The following SAMD12 variants were observed in gnomAD, a reference collection of about 807,000 sequenced individuals.
SAMD12 encodes the protein sterile alpha motif domain-containing protein 12.
SAMD12 carries 9 observed loss-of-function variants against 15.0 expected under a neutral mutation model. That is an observed-to-expected ratio of 0.60 (90% CI 0.36 to 1.05). SAMD12 has a LOEUF of 1.05. SAMD12 is among the 50% of genes least tolerant of loss of function. The pLI, the probability that SAMD12 is intolerant of heterozygous loss-of-function variation, is 0.01. For missense variants in SAMD12, 230 were observed against 234.2 expected (o/e 0.98, Z 0.12); for synonymous variants, 86 against 90.1 (o/e 0.96, Z 0.25).
chr8:118,454,077 T>C (rs1280547725), intron 2 of SAMD12, among the ~76,000 whole-genome samples: 1 of 152,180 alleles, frequency 6.6e-6, no homozygotes, highest in East Asian at 1.9e-4. Flanking sequence ...ATCTTCCTTT[T>C]TTCTTAGTTT....
intron 2 of SAMD12, among the ~76,000 whole-genome samples, chr8:118,501,398 T>A (rs1020289364): frequency 6.6e-6 from 1 of 152,206 alleles, no homozygotes; most frequent in African/African-American, 2.4e-5. Flanking sequence ...CCACAATGTG[T>A]ATATATTTCA....
intron 1 of SAMD12, among the ~76,000 whole-genome samples, chr8:118,617,466 T>C (rs1023557950): frequency 6.6e-6 from 1 of 152,244 alleles, no homozygotes; most frequent in Non-Finnish European, 1.5e-5. Flanking sequence ...TCATTTATGA[T>C]GGAAAATTCA....
chr8:118,427,889 A>G (rs936153406), intron 3 of SAMD12, among the ~76,000 whole-genome samples: 2 of 152,224 alleles, frequency 1.3e-5, no homozygotes, highest in African/African-American at 4.8e-5. Context: ...AAACTCACAT[A>G]CAACATACAT....
chr8:118,462,674 T>C (rs1355285418), intron 2 of SAMD12, among the ~76,000 whole-genome samples: 4 of 151,794 alleles, frequency 2.6e-5, no homozygotes, highest in Non-Finnish European at 5.9e-5. Context: ...ACACCACAGC[T>C]GAAAGTAAGG....
chr8:118,306,656 T>G (rs545207811), intron 4 of SAMD12, among the ~76,000 whole-genome samples: 1 of 152,250 alleles, frequency 6.6e-6, no homozygotes, highest in East Asian at 1.9e-4. Flanking sequence ...CCTCTGCAAT[T>G]TTACATGAGC....
the SAMD12 span, among the ~76,000 whole-genome samples, chr8:118,183,044 A>G: frequency 6.6e-6 from 1 of 152,236 alleles, no homozygotes; most frequent in Admixed American, 6.5e-5. Flanking sequence ...AAAATGCAGA[A>G]TGAGGACTCC....
intron 4 of SAMD12, among the ~76,000 whole-genome samples, chr8:118,316,677 C>T (rs768798916): frequency 1.3e-5 from 2 of 151,978 alleles, no homozygotes; most frequent in Non-Finnish European, 1.5e-5. Flanking sequence ...AACCACTTGG[C>T]GGCACTGGGA....
At chr8:118,185,183 T>G (rs1819222414), downstream of SAMD12, among the ~76,000 whole-genome samples, 1 of 152,156 alleles carries the variant, frequency 6.6e-6, no homozygotes, top group Non-Finnish European at 1.5e-5. Context: ...TGAACTATGG[T>G]GTATTAGAAG....
At position 118,256,639 on chromosome 8, in the gene SAMD12, A is replaced by G. The variant is rs545757049; in HGVS notation, c.434-58907T>C. On this transcript the variant is annotated intron_variant, in intron 4 of 4. Coordinates refer to the SAMD12 transcript ENST00000409003. Reference sequence around the variant, plus strand: ...TCCCATTTTACCATCTTTAAAATAAAGATAATGATTCAAATCTTAAAAGAG... The same window carrying G: ...TCCCATTTTACCATCTTTAAAATAAGGATAATGATTCAAATCTTAAAAGAG... Among the ~76,000 whole-genome samples the G allele has an allele frequency of 1.1e-4, 17 of 152,204 alleles. 1 individual carries two copies. In the South Asian group the frequency reaches 3.5e-3, roughly 32 times the overall value.
chr8:118,247,385 G>A (rs774837949), intron 4 of SAMD12, among the ~76,000 whole-genome samples: 11 of 152,072 alleles, frequency 7.2e-5, no homozygotes, highest in African/African-American at 2.4e-4. Flanking sequence ...AACATATTAT[G>A]TATTTCAGAG....
chr8:118,463,100 C>CAAAA (rs71292167), intron 2 of SAMD12, among the ~76,000 whole-genome samples: 2 of 63,086 alleles, frequency 3.2e-5, no homozygotes, highest in Non-Finnish European at 5.8e-5. Context: ...AACTCCGTCT[C>CAAAA]AAAAAAAAAA....
chr8:118,247,317 T>C (rs180680594), intron 4 of SAMD12, among the ~76,000 whole-genome samples: 14 of 152,214 alleles, frequency 9.2e-5, no homozygotes, highest in African/African-American at 2.9e-4. Context: ...GTTTCAGTTA[T>C]ATAGAAGGAT....
chr8:118,233,528 CA>C (rs1382928308), intron 4 of SAMD12, among the ~76,000 whole-genome samples: 1 of 152,142 alleles, frequency 6.6e-6, no homozygotes, highest in Admixed American at 6.5e-5. Flanking sequence ...CTATGGGCCT[CA>C]GTTTTCTCTC....
intron 2 of SAMD12, among the ~76,000 whole-genome samples, chr8:118,494,591 A>T (rs1381138604): frequency 6.6e-6 from 1 of 152,208 alleles, no homozygotes; most frequent in African/African-American, 2.4e-5. Context: ...GCCTCTGTAC[A>T]TAGCGCTCCC....
intron 2 of SAMD12, among the ~76,000 whole-genome samples, chr8:118,461,576 G>C (rs1028597966): frequency 7.2e-5 from 11 of 152,102 alleles, no homozygotes; most frequent in African/African-American, 2.2e-4. Context: ...TTTTACGTAT[G>C]TACATACGTA....
intron 1 of SAMD12, among the ~76,000 whole-genome samples, chr8:118,612,538 G>T (rs989029847): frequency 6.6e-6 from 1 of 152,094 alleles, no homozygotes; most frequent in Non-Finnish European, 1.5e-5. Context: ...TACCTGCATA[G>T]CCCCATTAAT....
chr8:118,189,148 A>T (rs769195182), downstream of SAMD12, among the ~76,000 whole-genome samples: 8 of 152,134 alleles, frequency 5.3e-5, no homozygotes, highest in Non-Finnish European at 7.4e-5. Context: ...TCTATCGTCC[A>T]GCTGTGCTCG....
In SAMD12 at chr8:118,413,480, G is replaced by T. The variant is rs1437434704; in HGVS notation, c.322+26352C>A. On this transcript the variant is annotated intron_variant, in intron 3 of 3. Transcript: ENST00000314727. ...TTCCTAATCCTACATAGCCTTAATG[G>T]CCTAGCTTAAATTCTGCAACCTTAG... Among the ~76,000 whole-genome samples, 4 of 152,052 alleles carry T rather than the reference G, an allele frequency of 2.6e-5. No homozygotes were observed. The East Asian group carries it at 7.7e-4, about 29-fold the overall frequency.
intron 2 of SAMD12, among the ~76,000 whole-genome samples, chr8:118,529,131 G>T (rs1239309444): frequency 6.6e-6 from 1 of 152,144 alleles, no homozygotes; most frequent in Non-Finnish European, 1.5e-5. Context: ...TCACAGCCAA[G>T]GTTGAAAGAA....
Sources: allele counts gnomAD v4.1 joint callset (sites outside exome capture counted in the v4.1 genomes callset), GRCh38; gene constraint gnomAD v4.1.1; transcripts MANE v1.5; gene names NCBI Gene and HGNC (gene_info 2026-07-23, HGNC 2026-07-21).